The following DNA2 variants were observed in gnomAD, a reference collection of about 807,000 sequenced individuals.
The protein encoded by DNA2 is DNA replication helicase/nuclease 2.
DNA2 carries 101 observed loss-of-function variants against 119.1 expected under a neutral mutation model. That is an observed-to-expected ratio of 0.85 (90% confidence interval 0.72 to 1.00). The LOEUF is 1.00. Ranked by LOEUF, DNA2 falls within the 50% of genes least tolerant of loss-of-function variation. DNA2 has a pLI of 0.00. For synonymous variants in DNA2, 366 were observed against 424.4 expected (o/e 0.86, Z 1.69); for missense variants, 1,121 against 1,255.5 (o/e 0.89, Z 1.62).
rs181061761 is a variant in DNA2, at chr10:68,466,470, G to A, written c.442-658C>T. ...GTAAACCTACTTAGCAGTAATGTTT[G>A]GGAAGAAAAAAAATTTTTTTAACCT... On this transcript the variant is annotated intron_variant, in intron 3 of 20. Coordinates refer to ENST00000358410, the MANE Select transcript of DNA2 (RefSeq NM_001080449.3). 8.4e-4 allele frequency among the ~76,000 whole-genome samples: 125 copies of A among 149,662 alleles called. 1 individual carries two copies. Among genetic ancestry groups the A allele is most frequent in the Middle Eastern group, 7.0e-3 (2 of 284 alleles).
At chr10:68,461,709 T>C (rs12220291) in intron 4 of DNA2, among the ~76,000 whole-genome samples, 19,010 of 151,040 alleles carry the variant, frequency 0.13, 1,242 homozygotes, top group East Asian at 0.26. Flanking sequence ...ATGCCTGTAA[T>C]CCCAGCTACT....
At chr10:68,416,953 A>G in intron 19 of DNA2, 98 bp from the exon 20 acceptor site, 1 of 1,092,668 alleles carries the variant, frequency 9.2e-7, no homozygotes, top group Non-Finnish European at 1.3e-6. Context: ...AAATTTAAGA[A>G]TAGAATGAGG....
chr10:68,416,174 G>A (rs2051586788), intron 20 of DNA2, among the ~76,000 whole-genome samples: 1 of 152,016 alleles, frequency 6.6e-6, no homozygotes, highest in African/African-American at 2.4e-5. Context: ...ACCACTTCTT[G>A]GGGGAAAAAA....
intron 9 of DNA2, among the ~76,000 whole-genome samples, chr10:68,437,806 G>C (rs10998166): frequency 0.094 from 14,221 of 151,964 alleles, 997 homozygotes; most frequent in South Asian, 0.24. Context: ...CCCCCACCCT[G>C]TTCAAGCGAT....
intron 19 of DNA2, among the ~76,000 whole-genome samples, chr10:68,418,677 T>A (rs2051624605): frequency 6.8e-6 from 1 of 147,230 alleles, no homozygotes; most frequent in Non-Finnish European, 1.5e-5. Flanking sequence ...CAATTTTTTT[T>A]TTTTTTTTTT....
chr10:68,459,010 T>A, intron 5 of DNA2, 94 bp downstream of exon 5: 1 of 1,131,458 alleles, frequency 8.8e-7, no homozygotes, highest in Non-Finnish European at 1.2e-6. Context: ...TAATTGTAAT[T>A]ACTCAATCTT....
At chr10:68,437,929 T>C (rs968241484) in intron 9 of DNA2, among the ~76,000 whole-genome samples, 1 of 152,046 alleles carries the variant, frequency 6.6e-6, no homozygotes, top group African/African-American at 2.4e-5. Context: ...CCAGGCTGGA[T>C]TCGGACCCCT....
At chr10:68,465,256 A>G (rs2052313812) in intron 4 of DNA2, among the ~76,000 whole-genome samples, 1 of 149,998 alleles carries the variant, frequency 6.7e-6, no homozygotes, top group Non-Finnish European at 1.5e-5. Flanking sequence ...CTGACTTCTG[A>G]TCCGCCCACC....
At chr10:68,420,500 G>A (rs1182052955) in intron 17 of DNA2, among the ~76,000 whole-genome samples, 1 of 152,210 alleles carries the variant, frequency 6.6e-6, no homozygotes, top group African/African-American at 2.4e-5. Flanking sequence ...CAGTGTCATT[G>A]CACTCCAGCC....
chr10:68,421,016 G>A (rs576718074), intron 17 of DNA2, among the ~76,000 whole-genome samples: 13 of 151,158 alleles, frequency 8.6e-5, no homozygotes, highest in South Asian at 2.1e-4. Flanking sequence ...TCGGCTCACC[G>A]CAACCTCCGC....
chr10:68,472,055 T>G, upstream of DNA2: 2 of 1,597,800 alleles, frequency 1.3e-6, no homozygotes, highest in Non-Finnish European at 1.7e-6. Flanking sequence ...GCCCCTCACC[T>G]GAGCAGCAGG....
Position 68,427,572 on chromosome 10 carries a change from C to T in DNA2, c.2208+2864G>A, listed in dbSNP as rs138739135. 6.0e-5 allele frequency among the ~76,000 whole-genome samples: 9 copies of T among 150,916 alleles called. No homozygotes were observed. In the East Asian group the frequency reaches 1.8e-3, roughly 30 times the overall value. On this transcript the variant is annotated intron_variant, in intron 14 of 20. Transcript: ENST00000358410. ...GCTGAGGCAGAAAGATCACTTGAGC[C>T]CAGAAGGTCAGGGCTGCAGTGAGGC...
chr10:68,435,901 T>C (rs1228983687), intron 10 of DNA2, among the ~76,000 whole-genome samples: 1 of 152,194 alleles, frequency 6.6e-6, no homozygotes, highest in Non-Finnish European at 1.5e-5. Flanking sequence ...AAATAAGCAT[T>C]ATAGCTAACA....
At position 68,415,091 on chromosome 10, in the gene DNA2, G is replaced by A; in HGVS notation, c.3131C>T (p.Ser1044Leu). The change falls in exon 21 of 21, where the codon TCA becomes TTA. Residue 1044 changes from serine to leucine, a missense_variant. Ser to Leu is a moderately radical substitution (Grantham distance 145). Transcript: ENST00000358410. Reference sequence around the variant, plus strand: ...GTGGCAAAGACTTTCATGTTCTCTTGATGGAAGATCAATGATGTAAAATAA... The same window carrying A: ...GTGGCAAAGACTTTCATGTTCTCTTAATGGAAGATCAATGATGTAAAATAA... ...NSEKLIIDLP[S>L]REHESLCHIL... 6.4e-7 allele frequency: 1 copy of A among 1,569,746 alleles called. No homozygotes were observed. Among genetic ancestry groups the A allele is most frequent in the Non-Finnish European group, 8.7e-7 (1 of 1,153,792 alleles).
intron 4 of DNA2, among the ~76,000 whole-genome samples, chr10:68,462,936 C>T (rs1469759934): frequency 6.6e-6 from 1 of 151,732 alleles, no homozygotes; most frequent in African/African-American, 2.4e-5. Flanking sequence ...TGAGACCAGC[C>T]TGGCCAACAT....
intron 14 of DNA2, among the ~76,000 whole-genome samples, chr10:68,427,848 A>G (rs572405507): frequency 1.3e-5 from 2 of 152,134 alleles, no homozygotes; most frequent in Non-Finnish European, 2.9e-5. Context: ...CCTGGCCAAC[A>G]TGGTGAAACC....
At position 68,424,731 on chromosome 10, in the gene DNA2, G is replaced by T. The variant is rs535013750; in HGVS notation, c.2209-1841C>A. 70 of 1,573,060 alleles carry T rather than the reference G, an allele frequency of 4.4e-5. No homozygotes were observed. The East Asian group carries it at 1.5e-3, about 34-fold the overall frequency. On this transcript the variant is annotated intron_variant, in intron 14 of 20. Transcript: ENST00000358410. ...CCGCAAGGACGACGAGGTCCAGGTA[G>T]TTCAAGGACACTACAAAGGTCAGCA... is the stretch of plus-strand genomic sequence containing the variant.
intron 19 of DNA2, among the ~76,000 whole-genome samples, chr10:68,417,966 T>A (rs1049064834): frequency 6.6e-6 from 1 of 152,130 alleles, no homozygotes; most frequent in Non-Finnish European, 1.5e-5. Context: ...AATTCAGAGA[T>A]AGAATGTAGA....
intron 3 of DNA2, among the ~76,000 whole-genome samples, chr10:68,466,215 G>T (rs780669988): frequency 6.6e-6 from 1 of 151,688 alleles, no homozygotes; most frequent in Non-Finnish European, 1.5e-5. Context: ...TTTAGTAGAG[G>T]CAGGGTTTCA....
Sources: gnomAD v4.1 joint callset for allele counts (sites outside exome capture counted in the v4.1 genomes callset) on GRCh38, gnomAD v4.1.1 for gene constraint, MANE v1.5 for transcripts, NCBI Gene and HGNC (gene_info 2026-07-23, HGNC 2026-07-21) for gene names.